IREB2: variants seen among roughly 807,000 people sequenced by gnomAD.
IREB2 encodes the protein iron responsive element binding protein 2, also known as iron-responsive element-binding protein 2.
Under a neutral mutation model 118.8 loss-of-function variants are expected in IREB2, and 39 were observed. The observed-to-expected ratio is 0.33, with a 90% CI of 0.25 to 0.43. IREB2 has a LOEUF of 0.43. Ranked by LOEUF, IREB2 falls within the 20% of genes least tolerant of loss-of-function variation. The pLI, the probability that IREB2 is intolerant of heterozygous loss-of-function variation, is 1.00. For missense variants in IREB2, 900 were observed against 1,147.3 expected (o/e 0.78, Z 3.11); for synonymous variants, 372 against 392.2 (o/e 0.95, Z 0.61).
chr15:78,449,954 C>T (rs528022527), intron 2 of IREB2, among the ~76,000 whole-genome samples: 1 of 152,272 alleles, frequency 6.6e-6, no homozygotes, highest in East Asian at 1.9e-4. Flanking sequence ...TCCTCCATGG[C>T]GTTTTTAATT....
chr15:78,488,437 T>C, intron 15 of IREB2, 101 bp downstream of exon 15: 1 of 1,101,960 alleles, frequency 9.1e-7, no homozygotes. Context: ...CTTTGAATTA[T>C]TTCAGGAAGA....
At chr15:78,438,658 C>A (rs1158394683) in intron 1 of IREB2, 3 of 480,262 alleles carry the variant, frequency 6.2e-6, no homozygotes, top group African/African-American at 2.1e-5. Flanking sequence ...TCCTGGCCCC[C>A]GTCAGCAACA....
At chr15:78,437,815 C>T (rs1167108672), upstream of IREB2, 1 of 154,032 alleles carries the variant, frequency 6.5e-6, no homozygotes, top group Non-Finnish European at 1.5e-5. Context: ...GTGGGCCGCC[C>T]ACGTCTGACA....
rs191113858 is a variant in IREB2 at position 78,471,774 on chromosome 15, A to G, written c.733A>G (p.Ile245Val). 8 of 1,610,992 alleles carry G rather than the reference A, an allele frequency of 5.0e-6. No individual in the cohort carries two copies. The Admixed American group carries it at 1.3e-4, about 27-fold the overall frequency. Residue 245 changes from isoleucine (I) to valine (V), a missense_variant, in exon 7 of 22, where the codon ATC (isoleucine) becomes GTC (valine). Ile to Val is a conservative substitution (Grantham distance 29, BLOSUM62 3). Transcript: ENST00000258886. ...SSRVFKNVAV[I>V]PPGTGMAHQI... Reference sequence around the variant, plus strand: ...AAGAGTTTTTAAGAATGTGGCAGTGATCCCTCCTGGAACTGGAATGGCTCA... The same window carrying G: ...AAGAGTTTTTAAGAATGTGGCAGTGGTCCCTCCTGGAACTGGAATGGCTCA...
intron 2 of IREB2, among the ~76,000 whole-genome samples, chr15:78,450,256 A>G (rs970040019): frequency 6.6e-6 from 1 of 152,248 alleles, no homozygotes; most frequent in African/African-American, 2.4e-5. Flanking sequence ...CAGTCAGGAG[A>G]TAGAAACCAC....
At chr15:78,497,887 T>A (rs2051864381) in intron 21 of IREB2, 146 bp from the exon 22 acceptor site, 1 of 543,162 alleles carries the variant, frequency 1.8e-6, no homozygotes. Flanking sequence ...TTTCAGGCAA[T>A]CAGAATATAA....
At chr15:78,481,329 A>C (rs2051566593) in intron 10 of IREB2, among the ~76,000 whole-genome samples, 1 of 151,300 alleles carries the variant, frequency 6.6e-6, no homozygotes, top group South Asian at 2.1e-4. Context: ...CAGCCTCCTG[A>C]GTAGCTAGGA....
chr15:78,458,735 T>C (rs2051146917), intron 2 of IREB2, among the ~76,000 whole-genome samples: 1 of 152,216 alleles, frequency 6.6e-6, no homozygotes, highest in African/African-American at 2.4e-5. Context: ...AGGCGCCAGC[T>C]TCATAAGAGC....
chr15:78,473,175 T>A (rs1174515280), intron 7 of IREB2, 67 bp from the exon 8 acceptor site: 6 of 1,428,884 alleles, frequency 4.2e-6, no homozygotes, highest in Non-Finnish European at 5.9e-6. Flanking sequence ...ACCTAGAGAT[T>A]CAGATGTTAC....
In IREB2 at chr15:78,470,689, CTTTTTTTTTTTT is replaced by C. The variant is rs67871183; in HGVS notation, c.699+100_699+111del. ...TATATCTTTGTTTCTTTTTCTTTTC[CTTTTTTTTTTTT>C]TTTTTTTTTTTAAGACAGAATCTCG... On this transcript the variant is annotated intron_variant, in intron 6 of 21. Coordinates refer to ENST00000258886, the MANE Select transcript of IREB2 (RefSeq NM_004136.4). 2.9e-5 allele frequency: 6 copies of C among 209,982 alleles called. 1 individual carries two copies. Among genetic ancestry groups the C allele is most frequent in the East Asian group, 9.0e-5 (1 of 11,080 alleles). 13.0% of individuals were successfully genotyped at this position (209,982 alleles called of 1,614,324 possible).
At chr15:78,471,251 T>C (rs1440675709) in intron 6 of IREB2, among the ~76,000 whole-genome samples, 1 of 152,208 alleles carries the variant, frequency 6.6e-6, no homozygotes, top group African/African-American at 2.4e-5. Context: ...TCAAGCCATC[T>C]GCCTGCCTTG....
chr15:78,497,432 A>G (rs2051856691), intron 21 of IREB2, 121 bp downstream of exon 21: 4 of 724,832 alleles, frequency 5.5e-6, no homozygotes, highest in South Asian at 3.7e-5. Flanking sequence ...TTGCCATTTA[A>G]GATGACTCTC....
intron 20 of IREB2, 81 bp downstream of exon 20, chr15:78,494,345 T>A: frequency 7.2e-7 from 1 of 1,392,182 alleles, no homozygotes; most frequent in Admixed American, 2.2e-5. Flanking sequence ...CTGTCAAAGT[T>A]TATCTGGATT....
At chr15:78,442,091 T>A (rs961462192) in intron 2 of IREB2, among the ~76,000 whole-genome samples, 4 of 151,982 alleles carry the variant, frequency 2.6e-5, no homozygotes, top group African/African-American at 9.7e-5. Flanking sequence ...GATGGTGGTT[T>A]TACCATGTTG....
intron 2 of IREB2, among the ~76,000 whole-genome samples, chr15:78,440,725 A>G (rs1487424039): frequency 3.3e-5 from 5 of 152,220 alleles, no homozygotes; most frequent in South Asian, 2.1e-4. Context: ...TCTGTTGAAT[A>G]GGAATCACCA....
intron 5 of IREB2, among the ~76,000 whole-genome samples, chr15:78,468,628 G>A (rs1289044521): frequency 6.6e-6 from 1 of 151,872 alleles, no homozygotes; most frequent in Non-Finnish European, 1.5e-5. Flanking sequence ...GTAGCTAAGA[G>A]TAATGTCCAT....
In IREB2 at chr15:78,438,314, G is replaced by A. The variant is rs773625494; in HGVS notation, c.-24G>A. 6.4e-7 allele frequency: 1 copy of A among 1,572,938 alleles called. No homozygotes were observed. Among genetic ancestry groups the A allele is most frequent in the African/African-American group, 1.4e-5 (1 of 74,038 alleles). On this transcript the variant is annotated 5_prime_UTR_variant, in exon 1 of 22. Coordinates refer to ENST00000258886, the MANE Select transcript of IREB2 (RefSeq NM_004136.4). ...TTCTTCCCCCGCTGGCCCCCTCCCC[G>A]GAGGGATAATATGGTCTCCGGCGAT...
Position 78,498,200 on chromosome 15 carries a change from G to A in IREB2, c.*57G>A. On this transcript the variant is annotated 3_prime_UTR_variant, in exon 22 of 22. Coordinates refer to ENST00000258886, the MANE Select transcript of IREB2 (RefSeq NM_004136.4). Reference sequence around the variant, plus strand: ...GGTAACTGCAAAGCCTTTTGTGCTGGACCCAGGAATCCTTACCATGGAGCA... The same window carrying A: ...GGTAACTGCAAAGCCTTTTGTGCTGAACCCAGGAATCCTTACCATGGAGCA... The A allele has an allele frequency of 1.1e-6, 1 of 944,302 alleles. No individual in the cohort carries two copies. Among genetic ancestry groups the A allele is most frequent in the Non-Finnish European group, 1.7e-6 (1 of 579,006 alleles). 58.5% of individuals were successfully genotyped at this position (944,302 alleles called of 1,614,324 possible).
chr15:78,459,859 C>G (rs1353122497), intron 2 of IREB2, among the ~76,000 whole-genome samples: 1 of 151,944 alleles, frequency 6.6e-6, no homozygotes, highest in South Asian at 2.1e-4. Flanking sequence ...GGTTCTTTAT[C>G]CTGTAGAATG....
Sources: allele counts gnomAD v4.1 joint callset (sites outside exome capture counted in the v4.1 genomes callset), GRCh38; gene constraint gnomAD v4.1.1; transcripts MANE v1.5; gene names NCBI Gene and HGNC (gene_info 2026-07-23, HGNC 2026-07-21).